The following SEMA6D variants were observed in gnomAD, a reference collection of about 807,000 sequenced individuals.
The protein encoded by SEMA6D is semaphorin-6D.
SEMA6D carries 35 observed loss-of-function variants against 106.6 expected under a neutral mutation model. The ratio of observed to expected loss-of-function variants is 0.33; its 90% CI spans 0.25 to 0.44. SEMA6D has a LOEUF of 0.44. Among genes scored for constraint, SEMA6D ranks in the 20% least tolerant of loss-of-function variants. The pLI is 1.00. For missense variants in SEMA6D, 1,185 were observed against 1,345.9 expected, an observed-to-expected ratio of 0.88 and a Z score of 1.87; for synonymous variants, 499 against 487.7, an observed-to-expected ratio of 1.02 and a Z score of -0.31.
intron 1 of SEMA6D, among the ~76,000 whole-genome samples, chr15:47,263,787 A>G (rs1292831536): frequency 1.3e-5 from 2 of 151,826 alleles, no homozygotes; most frequent in African/African-American, 2.4e-5. Context: ...GATGCATGAC[A>G]TATTCTTTAT....
At chr15:47,358,157 G>A (rs1469652448) in intron 1 of SEMA6D, among the ~76,000 whole-genome samples, 5 of 152,058 alleles carry the variant, frequency 3.3e-5, no homozygotes, top group Admixed American at 2.0e-4. Context: ...TCATTTTCTT[G>A]TCCAAAGATT....
At position 47,730,605 on chromosome 15, in the gene SEMA6D, T is replaced by A. The variant is rs1016935811; in HGVS notation, c.-55+12913T>A. ...TTCTTCTCGGCCCAGGCCAACAGTC[T>A]CTGCTTCTTCTCTTGCTTTGTCTCT... On this transcript the variant is annotated intron_variant, in intron 1 of 18. Coordinates refer to ENST00000536845, the MANE Select transcript of SEMA6D (RefSeq NM_001358351.3). The A allele has an allele frequency of 1.9e-6, 3 of 1,562,472 alleles. No homozygotes were observed. In the African/African-American group the frequency reaches 4.1e-5, roughly 21 times the overall value.
At chr15:47,209,258 A>ATC (rs1895322420) in intron 1 of SEMA6D, among the ~76,000 whole-genome samples, 1 of 152,198 alleles carries the variant, frequency 6.6e-6, no homozygotes, top group Admixed American at 6.6e-5. Flanking sequence ...TTCTTTTTTT[A>ATC]TCTACTTAGA....
chr15:47,744,925 G>A (rs369553823), intron 1 of SEMA6D, among the ~76,000 whole-genome samples: 2 of 152,250 alleles, frequency 1.3e-5, no homozygotes, highest in South Asian at 2.1e-4. Flanking sequence ...GATCACCTGC[G>A]TTCTCATTGT....
chr15:47,663,178 T>C (rs2077961476), intron 4 of SEMA6D, among the ~76,000 whole-genome samples: 1 of 152,126 alleles, frequency 6.6e-6, no homozygotes. Context: ...AAACATCAAC[T>C]CCCTTAATTC....
intron 2 of SEMA6D, among the ~76,000 whole-genome samples, chr15:47,466,003 A>C (rs1443381727): frequency 6.6e-6 from 1 of 152,088 alleles, no homozygotes; most frequent in African/African-American, 2.4e-5. Context: ...ATGTGTTTTT[A>C]TTTTCTCCCA....
chr15:47,505,051 G>A (rs1451391170), intron 3 of SEMA6D, among the ~76,000 whole-genome samples: 1 of 152,130 alleles, frequency 6.6e-6, no homozygotes, highest in African/African-American at 2.4e-5. Context: ...GTGGCTCAGT[G>A]TGGCTGTTTG....
chr15:47,663,370 A>G (rs2077965435), intron 4 of SEMA6D, among the ~76,000 whole-genome samples: 1 of 152,176 alleles, frequency 6.6e-6, no homozygotes, highest in South Asian at 2.1e-4. Flanking sequence ...GTTTATCCTG[A>G]CTCAATTCAG....
At chr15:47,600,512 C>T (rs2076627560) in intron 3 of SEMA6D, among the ~76,000 whole-genome samples, 1 of 151,870 alleles carries the variant, frequency 6.6e-6, no homozygotes, top group Non-Finnish European at 1.5e-5. Flanking sequence ...GACCAGAGAT[C>T]TTCAAGTTTT....
At chr15:47,606,451 ATG>A (rs1326420505) in intron 4 of SEMA6D, 2 of 152,148 alleles carry the variant, frequency 1.3e-5, no homozygotes, top group Admixed American at 1.3e-4. Flanking sequence ...CAAAGATAGA[ATG>A]TCTTTCTTAT....
intron 4 of SEMA6D, among the ~76,000 whole-genome samples, chr15:47,629,006 T>C (rs569626853): frequency 1.1e-4 from 16 of 152,138 alleles, no homozygotes; most frequent in African/African-American, 1.7e-4. Flanking sequence ...CCTTCCTCCA[T>C]TGAGGGAGCA....
In SEMA6D at chr15:47,575,323, A is replaced by G. The variant is rs762504831; in HGVS notation, c.-86-25542A>G. Among the ~76,000 whole-genome samples the G allele has an allele frequency of 7.2e-5, 11 of 152,222 alleles. 1 individual carries two copies. The highest frequency in any genetic ancestry group is 1.2e-4 in the Non-Finnish European group (8 of 68,038). ...CAGGGAGGGGGTAGAAACAAAGTCA[A>G]TAAGAGACTCAAGGGTGAGTCATAG... is the stretch of plus-strand genomic sequence containing the variant. On this transcript the variant is annotated intron_variant, in intron 3 of 19. Coordinates refer to the SEMA6D transcript ENST00000558014.
intron 1 of SEMA6D, among the ~76,000 whole-genome samples, chr15:47,188,670 T>C (rs1893738238): frequency 6.6e-6 from 1 of 152,202 alleles, no homozygotes; most frequent in African/African-American, 2.4e-5. Flanking sequence ...ATTCTACTTA[T>C]GTATACAATT....
chr15:47,419,708 A>T (rs926927339), intron 2 of SEMA6D, among the ~76,000 whole-genome samples: 4 of 152,174 alleles, frequency 2.6e-5, no homozygotes, highest in African/African-American at 4.8e-5. Context: ...AACTAGTGCA[A>T]AAAGGTGAAA....
At chr15:47,263,241 A>G (rs1441917660) in intron 1 of SEMA6D, among the ~76,000 whole-genome samples, 1 of 152,174 alleles carries the variant, frequency 6.6e-6, no homozygotes, top group Non-Finnish European at 1.5e-5. Context: ...AAAAGAAACT[A>G]TCAACAGTGT....
intron 1 of SEMA6D, among the ~76,000 whole-genome samples, chr15:47,207,848 G>C (rs1181195069): frequency 6.6e-6 from 1 of 152,018 alleles, no homozygotes; most frequent in African/African-American, 2.4e-5. Context: ...AGAGTACCCT[G>C]GGGAGAGGAC....
rs191032731 is a variant in SEMA6D at position 47,347,543 on chromosome 15, C to T, written c.-238-64850C>T. On this transcript the variant is annotated intron_variant, in intron 1 of 19. Coordinates refer to the SEMA6D transcript ENST00000558014. Reference sequence around the variant, plus strand: ...CTAACTAGAGATATATAAAAACCCACGGGTAATAAAAGTGTTCAAAGTAAT... The same window carrying T: ...CTAACTAGAGATATATAAAAACCCATGGGTAATAAAAGTGTTCAAAGTAAT... 1.6e-4 allele frequency among the ~76,000 whole-genome samples: 24 copies of T among 152,198 alleles called. No individual in the cohort carries two copies. The East Asian group carries it at 3.5e-3, about 22-fold the overall frequency.
At chr15:47,439,863 G>A (rs940770453) in intron 2 of SEMA6D, among the ~76,000 whole-genome samples, 1 of 152,080 alleles carries the variant, frequency 6.6e-6, no homozygotes, top group African/African-American at 2.4e-5. Context: ...CAACTGCCAA[G>A]AGGAATTTGA....
intron 4 of SEMA6D, among the ~76,000 whole-genome samples, chr15:47,618,755 A>G (rs1020131280): frequency 2.0e-5 from 3 of 152,226 alleles, no homozygotes; most frequent in Non-Finnish European, 4.4e-5. Context: ...TGACTGCTAC[A>G]ATACAGAATA....
Sources: allele counts gnomAD v4.1 joint callset (sites outside exome capture counted in the v4.1 genomes callset), GRCh38; gene constraint gnomAD v4.1.1; transcripts MANE v1.5; gene names NCBI Gene and HGNC (gene_info 2026-07-23, HGNC 2026-07-21).